Variants in IPMK observed in about 807,000 individuals in gnomAD.
IPMK encodes the protein inositol polyphosphate multikinase, also known as inositol 1,3,4,6-tetrakisphosphate 5-kinase.
A neutral mutation model predicts 45.8 loss-of-function variants in IPMK; 17 were observed. The observed-to-expected ratio is 0.37, with a 90% CI of 0.25 to 0.56. IPMK has a LOEUF of 0.56. IPMK is among the 20% of genes least tolerant of loss of function. IPMK has a pLI of 0.79. For synonymous variants in IPMK, 180 were observed against 184.3 expected (o/e 0.98, Z 0.19); for missense variants, 399 against 498.0 (o/e 0.80, Z 1.89).
intron 1 of IPMK, among the ~76,000 whole-genome samples, chr10:58,239,755 T>C (rs1171197229): frequency 6.6e-6 from 1 of 152,154 alleles, no homozygotes. Context: ...ACCAACAGTA[T>C]CTGAGCCTGC....
intron 3 of IPMK, among the ~76,000 whole-genome samples, chr10:58,221,063 TGATAATG>T (rs1838325459): frequency 1.3e-5 from 2 of 152,216 alleles, no homozygotes; most frequent in South Asian, 4.1e-4. Flanking sequence ...ATTATGCACT[TGATAATG>T]GATATTCTCC....
intron 1 of IPMK, among the ~76,000 whole-genome samples, chr10:58,254,875 G>T (rs1244036815): frequency 6.6e-6 from 1 of 152,238 alleles, no homozygotes; most frequent in Non-Finnish European, 1.5e-5. Flanking sequence ...TGCTGTTGCA[G>T]GATGAAATCG....
intron 4 of IPMK, among the ~76,000 whole-genome samples, chr10:58,201,927 T>C (rs757021603): frequency 6.6e-6 from 1 of 152,170 alleles, no homozygotes; most frequent in Non-Finnish European, 1.5e-5. Flanking sequence ...GCCACAACAT[T>C]ACCTCAAGTC....
chr10:58,253,560 A>T (rs1838916406), intron 1 of IPMK, among the ~76,000 whole-genome samples: 1 of 152,030 alleles, frequency 6.6e-6, no homozygotes, highest in African/African-American at 2.4e-5. Context: ...CAACACAGTG[A>T]AACCCTGTCT....
At chr10:58,198,658 T>C (rs568286505) in intron 5 of IPMK, among the ~76,000 whole-genome samples, 3 of 152,316 alleles carry the variant, frequency 2.0e-5, no homozygotes, top group East Asian at 1.9e-4. Context: ...AAACTTGTAA[T>C]ATAATGTTAT....
At chr10:58,234,110 G>T (rs1439413187) in intron 2 of IPMK, among the ~76,000 whole-genome samples, 1 of 152,118 alleles carries the variant, frequency 6.6e-6, no homozygotes, top group Non-Finnish European at 1.5e-5. Context: ...ACTTACAAGG[G>T]ATGTGAAGGA....
chr10:58,243,926 C>T (rs1461456642), intron 1 of IPMK, among the ~76,000 whole-genome samples: 2 of 149,526 alleles, frequency 1.3e-5, no homozygotes, highest in Non-Finnish European at 3.0e-5. Flanking sequence ...AAGTGAGGAG[C>T]GTCTCTGCCC....
intron 1 of IPMK, among the ~76,000 whole-genome samples, chr10:58,261,484 G>C (rs937418931): frequency 1.5e-5 from 2 of 129,360 alleles, no homozygotes; most frequent in Admixed American, 1.4e-4. Context: ...AATTTAAACA[G>C]AAACAAATGA....
intron 3 of IPMK, among the ~76,000 whole-genome samples, chr10:58,221,641 C>T (rs1010277677): frequency 6.6e-6 from 1 of 152,196 alleles, no homozygotes; most frequent in African/African-American, 2.4e-5. Context: ...TCACTGCAAC[C>T]TCAAACTCCT....
chr10:58,238,165 G>A (rs2790216), intron 1 of IPMK, among the ~76,000 whole-genome samples: 51,516 of 152,094 alleles, frequency 0.34, 10,976 homozygotes, highest in African/African-American at 0.61. Flanking sequence ...CAAGTTAAAA[G>A]CAATAGCACG....
At chr10:58,210,206 G>C (rs770458949) in intron 4 of IPMK, among the ~76,000 whole-genome samples, 3 of 152,086 alleles carry the variant, frequency 2.0e-5, no homozygotes, top group Non-Finnish European at 4.4e-5. Flanking sequence ...CAGAGAAGTG[G>C]GGAATAGCCA....
intron 1 of IPMK, among the ~76,000 whole-genome samples, chr10:58,249,148 C>T (rs922740256): frequency 6.6e-6 from 1 of 152,236 alleles, no homozygotes; most frequent in African/African-American, 2.4e-5. Context: ...TACCTAACAA[C>T]TGTGTAGTAG....
intron 1 of IPMK, among the ~76,000 whole-genome samples, chr10:58,267,003 T>C (rs758311607): frequency 6.6e-6 from 1 of 152,248 alleles, no homozygotes. Flanking sequence ...AAGTACTAGA[T>C]TAGCATCATC....
chr10:58,249,006 A>T (rs1321725803), intron 1 of IPMK, among the ~76,000 whole-genome samples: 4 of 152,222 alleles, frequency 2.6e-5, no homozygotes, highest in African/African-American at 9.6e-5. Context: ...GTGAGTACAG[A>T]TATCTCTTCA....
intron 1 of IPMK, among the ~76,000 whole-genome samples, chr10:58,251,434 T>C (rs886584082): frequency 2.6e-5 from 4 of 151,948 alleles, no homozygotes; most frequent in African/African-American, 9.7e-5. Flanking sequence ...CCCCATGTGC[T>C]GTTGAAAAAA....
At chr10:58,238,821 G>C (rs980135246) in intron 1 of IPMK, among the ~76,000 whole-genome samples, 2 of 151,456 alleles carry the variant, frequency 1.3e-5, no homozygotes, top group African/African-American at 4.9e-5. Flanking sequence ...AAAGTCTCAA[G>C]AGATACAGAA....
At chr10:58,217,544 C>T (rs1317248242) in intron 3 of IPMK, among the ~76,000 whole-genome samples, 1 of 151,556 alleles carries the variant, frequency 6.6e-6, no homozygotes, top group African/African-American at 2.4e-5. Context: ...CAAAATTAGC[C>T]AGGCATGGTG....
intron 1 of IPMK, among the ~76,000 whole-genome samples, chr10:58,266,979 T>C (rs924679885): frequency 2.0e-5 from 3 of 152,214 alleles, no homozygotes; most frequent in Non-Finnish European, 4.4e-5. Flanking sequence ...GCTATGCAGC[T>C]GCACCCAGCA....
At chr10:58,208,043 C>T (rs1465569435) in intron 4 of IPMK, among the ~76,000 whole-genome samples, 6 of 152,102 alleles carry the variant, frequency 3.9e-5, no homozygotes, top group African/African-American at 1.2e-4. Flanking sequence ...CGGGTTCACG[C>T]CATTCTCCTG....
Sources: allele counts gnomAD v4.1 joint callset (sites outside exome capture counted in the v4.1 genomes callset), GRCh38; gene constraint gnomAD v4.1.1; transcripts MANE v1.5; gene names NCBI Gene and HGNC (gene_info 2026-07-23, HGNC 2026-07-21).